The following PTCHD1 variants were observed in gnomAD, a reference collection of about 807,000 sequenced individuals.
The protein encoded by PTCHD1 is patched domain containing 1, also known as patched domain-containing protein 1.
In PTCHD1, 3 loss-of-function variants were observed where a neutral mutation model predicts 34.6. The ratio of observed to expected loss-of-function variants is 0.09; its 90% CI spans 0.04 to 0.22. The LOEUF (loss-of-function observed/expected upper bound fraction) is 0.22, where lower values mean the gene tolerates loss of function less well. PTCHD1 is among the 10% of genes least tolerant of loss of function. The probability of loss-of-function intolerance (pLI) is 1.00; values close to 1 mark genes in which losing one functional copy is unlikely to be tolerated. For missense variants in PTCHD1, 504 were observed against 685.5 expected (o/e 0.74, Z 2.96); for synonymous variants, 305 against 283.1 (o/e 1.08, Z -0.77).
chrX:23,360,268 C>G (rs1401502471), intron 1 of PTCHD1, among the ~76,000 whole-genome samples: 3 of 111,342 alleles, frequency 2.7e-5, no homozygotes, highest in African/African-American at 6.5e-5. Flanking sequence ...CTGTGAACCC[C>G]TCTGTTCCTG....
At chrX:23,381,630 C>A (rs1442099958) in intron 2 of PTCHD1, among the ~76,000 whole-genome samples, 1 of 111,868 alleles carries the variant, frequency 8.9e-6, no homozygotes, top group Non-Finnish European at 1.9e-5. Flanking sequence ...GCCCTCGATT[C>A]TCTGTGGCCC....
At chrX:23,390,957 T>C (rs1249272210) in intron 2 of PTCHD1, among the ~76,000 whole-genome samples, 1 of 111,356 alleles carries the variant, frequency 9.0e-6, no homozygotes, top group Admixed American at 9.5e-5. Flanking sequence ...GCCAAGGCGA[T>C]GGAAGCAGGA....
intron 1 of PTCHD1, among the ~76,000 whole-genome samples, chrX:23,362,019 G>A (rs768528839): frequency 2.8e-4 from 31 of 112,525 alleles, no homozygotes; most frequent in Non-Finnish European, 4.3e-4. Context: ...GGAGAGATCC[G>A]CTGATAGTCT....
intron 1 of PTCHD1, among the ~76,000 whole-genome samples, chrX:23,364,743 T>C (rs1201853698): frequency 8.9e-6 from 1 of 112,294 alleles, no homozygotes; most frequent in Non-Finnish European, 1.9e-5. Flanking sequence ...AATGTAAAGA[T>C]AGGGACTTTC....
intron 2 of PTCHD1, among the ~76,000 whole-genome samples, chrX:23,390,343 A>AT (rs1297928390): frequency 9.1e-6 from 1 of 109,529 alleles, no homozygotes; most frequent in South Asian, 3.8e-4. Context: ...AAAAAAAAAA[A>AT]AACAAAAAAA....
intron 1 of PTCHD1, among the ~76,000 whole-genome samples, chrX:23,355,518 A>G (rs1921780087): frequency 8.8e-6 from 1 of 113,071 alleles, no homozygotes; most frequent in Non-Finnish European, 1.9e-5. Context: ...TAATATAAGC[A>G]CATCACAGAT....
chrX:23,357,896 G>C (rs1921852173), intron 1 of PTCHD1, among the ~76,000 whole-genome samples: 3 of 111,222 alleles, frequency 2.7e-5, no homozygotes, highest in African/African-American at 9.8e-5. Flanking sequence ...ACCTATGAGT[G>C]AGAACATGCA....
chrX:23,344,617 A>G (rs1405968757), intron 1 of PTCHD1, among the ~76,000 whole-genome samples: 6 of 111,635 alleles, frequency 5.4e-5, no homozygotes, highest in Non-Finnish European at 1.1e-4. Flanking sequence ...CTGAGCATGC[A>G]GCTCCTCTAC....
intron 1 of PTCHD1, chrX:23,351,456 T>A (rs1311584791): frequency 3.8e-6 from 2 of 532,846 alleles, no homozygotes; most frequent in East Asian, 7.0e-5. Context: ...AAACATAATT[T>A]GAATAAAATA....
chrX:23,335,276 C>T (rs775058136), intron 1 of PTCHD1, 50 bp downstream of exon 1: 1 of 1,029,714 alleles, frequency 9.7e-7, no homozygotes, highest in East Asian at 3.1e-5. Context: ...CGGCCGCGGT[C>T]GGGCTGGCTC....
At position 23,379,684 on chromosome X, in the gene PTCHD1, A is replaced by T; in HGVS notation, c.445A>T (p.Ile149Phe). Residue 149 changes from isoleucine to phenylalanine, a missense_variant, in exon 2 of 3, where the codon ATC becomes TTC. Transcript: ENST00000379361. ...TATCCTGAATAATGATAAGACTTGC[A>T]TCGTGGATGACATAGTGCACGTCCT... ...ICILNNDKTC[I>F]VDDIVHVLEE... The T allele has an allele frequency of 8.3e-7, 1 of 1,208,881 alleles. No individual in the cohort carries two copies. The highest frequency in any genetic ancestry group is 1.1e-6 in the Non-Finnish European group (1 of 893,015).
chrX:23,380,397 G>C, intron 2 of PTCHD1, 146 bp downstream of exon 2: 1 of 583,613 alleles, frequency 1.7e-6, no homozygotes, highest in Non-Finnish European at 2.9e-6. Context: ...ACTCTATAAA[G>C]TGCTGGTAAT....
Position 23,379,643 on chromosome X carries a change from C to T in PTCHD1, c.404C>T (p.Thr135Met). ...GTTCCAAGGCCTGGTTTTAATTACA[C>T]GTTTGCCCATATATGTATCCTGAAT... ...IQVPRPGFNYTFAHICILNND... is the reference protein window; with the variant it reads ...IQVPRPGFNYMFAHICILNND... Residue 135 changes from threonine to methionine, a missense_variant, in exon 2 of 3, where the codon ACG becomes ATG. By Grantham distance (81) the Thr-to-Met change is moderately conservative. Coordinates refer to ENST00000379361, the MANE Select transcript of PTCHD1 (RefSeq NM_173495.3). 1 of 1,211,138 alleles carries T rather than the reference C, an allele frequency of 8.3e-7. No homozygotes were observed. Among genetic ancestry groups the T allele is most frequent in the Admixed American group, 2.2e-5 (1 of 46,052 alleles).
chrX:23,342,680 C>G (rs766381333), intron 1 of PTCHD1, among the ~76,000 whole-genome samples: 1 of 110,958 alleles, frequency 9.0e-6, no homozygotes, highest in East Asian at 2.8e-4. Flanking sequence ...TTTTAGATGC[C>G]AGACCTCTAC....
chrX:23,392,074 C>CTTTCTTTTTTTTTTTTTTTTT lies in PTCHD1; in HGVS notation c.1013-454_1013-453insCTTTTTTTTTTTTTTTTTTTT, dbSNP rs367570857. 3.8e-5 allele frequency among the ~76,000 whole-genome samples: 2 copies of CTTTCTTTTTTTTTTTTTTTTT among 52,354 alleles called. 1 individual carries two copies. Among genetic ancestry groups the CTTTCTTTTTTTTTTTTTTTTT allele is most frequent in the African/African-American group, 2.5e-4 (2 of 7,963 alleles). The allele number at this position is 52,354 out of a possible 115,157, so 45.5% of individuals were successfully genotyped here. The stretch of plus-strand genomic sequence containing the variant: ...TTCTTTCTTTTTTCTTTCTTTCTTT[C>CTTTCTTTTTTTTTTTTTTTTT]TTTTTTTTTTTTTTTTTGAGAGATG... On this transcript the variant is annotated intron_variant, in intron 2 of 2. Transcript: ENST00000379361.
chrX:23,347,797 G>A (rs974505982), intron 1 of PTCHD1, among the ~76,000 whole-genome samples: 53 of 111,440 alleles, frequency 4.8e-4, no homozygotes, highest in East Asian at 1.1e-3. Context: ...CTTGAGGCCA[G>A]GAGTTCATAA....
chrX:23,363,087 G>T (rs1922033931), intron 1 of PTCHD1, among the ~76,000 whole-genome samples: 1 of 112,488 alleles, frequency 8.9e-6, no homozygotes, highest in Non-Finnish European at 1.9e-5. Context: ...GTGTCTCCCA[G>T]TTAGGCTACA....
At chrX:23,392,374 A>G (rs764688442) in intron 2 of PTCHD1, among the ~76,000 whole-genome samples, 157 bp from the exon 3 acceptor site, 1 of 111,450 alleles carries the variant, frequency 9.0e-6, no homozygotes, top group East Asian at 2.8e-4. Flanking sequence ...ACATGGGTCT[A>G]TCTCCGCATA....
chrX:23,365,800 G>A (rs1345114221), intron 1 of PTCHD1, among the ~76,000 whole-genome samples: 1 of 112,185 alleles, frequency 8.9e-6, no homozygotes, highest in Non-Finnish European at 1.9e-5. Context: ...GGGCAGGTGT[G>A]CTCTCAAGAG....
Sources: gnomAD v4.1 joint callset for allele counts (sites outside exome capture counted in the v4.1 genomes callset) on GRCh38, gnomAD v4.1.1 for gene constraint, MANE v1.5 for transcripts, NCBI Gene and HGNC (gene_info 2026-07-23, HGNC 2026-07-21) for gene names.